The following SAMTOR variants were observed in gnomAD, a reference collection of about 807,000 sequenced individuals.
SAMTOR encodes the protein S-adenosylmethionine sensor upstream of mTORC1.
the SAMTOR span, among the ~76,000 whole-genome samples, chr7:112,858,302 A>T: frequency 6.6e-6 from 1 of 151,914 alleles, no homozygotes; most frequent in Admixed American, 6.6e-5. Flanking sequence ...AAACAAAGAC[A>T]TGAAGCATGA....
the SAMTOR span, among the ~76,000 whole-genome samples, chr7:112,908,465 G>C: frequency 1.8e-4 from 28 of 152,124 alleles, no homozygotes; most frequent in South Asian, 2.1e-4. Context: ...CTTAGGAGTT[G>C]TCAAACTCGA....
chr7:112,832,118 TCTC>T, the SAMTOR span, among the ~76,000 whole-genome samples: 2 of 151,878 alleles, frequency 1.3e-5, no homozygotes, highest in Non-Finnish European at 2.9e-5. Flanking sequence ...TTCAAGCGAT[TCTC>T]CTGCCTCAGC....
At chr7:112,891,576 A>G in the SAMTOR span, among the ~76,000 whole-genome samples, 1 of 152,232 alleles carries the variant, frequency 6.6e-6, no homozygotes, top group African/African-American at 2.4e-5. Context: ...TATAGGAACA[A>G]TTTTAATATT....
At chr7:112,871,356 T>G in the SAMTOR span, among the ~76,000 whole-genome samples, 1 of 152,250 alleles carries the variant, frequency 6.6e-6, no homozygotes, top group South Asian at 2.1e-4. Context: ...TAGAAATCAA[T>G]ATCAAGAGGA....
the SAMTOR span, among the ~76,000 whole-genome samples, chr7:112,830,880 CT>C: frequency 0.09 from 12,785 of 142,090 alleles, 875 homozygotes; most frequent in African/African-American, 0.2. Context: ...GCTTTAAATA[CT>C]TTTTTTTTTT....
the SAMTOR span, among the ~76,000 whole-genome samples, chr7:112,938,417 C>T: frequency 6.6e-6 from 1 of 152,202 alleles, no homozygotes; most frequent in Admixed American, 6.5e-5. Flanking sequence ...ATATCAACTA[C>T]ATTCAAAAGA....
chr7:112,906,445 CAA>C, the SAMTOR span, among the ~76,000 whole-genome samples: 1 of 151,952 alleles, frequency 6.6e-6, no homozygotes, highest in Non-Finnish European at 1.5e-5. Context: ...ATAAAAATGA[CAA>C]AATACCTAGG....
chr7:112,914,280 T>TC, the SAMTOR span, among the ~76,000 whole-genome samples: 1 of 149,762 alleles, frequency 6.7e-6, no homozygotes, highest in Non-Finnish European at 1.5e-5. Flanking sequence ...CCTCTAGTTT[T>TC]TTTTTTTTTT....
the SAMTOR span, among the ~76,000 whole-genome samples, chr7:112,892,891 A>T: frequency 3.9e-5 from 6 of 152,190 alleles, no homozygotes; most frequent in Non-Finnish European, 7.4e-5. Context: ...TCGTACATAT[A>T]TATCAGAGCT....
the SAMTOR span, among the ~76,000 whole-genome samples, chr7:112,828,657 A>G: frequency 6.6e-6 from 1 of 151,886 alleles, no homozygotes; most frequent in African/African-American, 2.4e-5. Flanking sequence ...AATTATCTTT[A>G]AAGAGTTTAA....
At chr7:112,896,803 T>A in the SAMTOR span, among the ~76,000 whole-genome samples, 1 of 151,870 alleles carries the variant, frequency 6.6e-6, no homozygotes, top group Non-Finnish European at 1.5e-5. Context: ...CCTAACCCAA[T>A]CTAAAATCAG....
chr7:112,930,527 C>CAAAA, the SAMTOR span, among the ~76,000 whole-genome samples: 1 of 75,454 alleles, frequency 1.3e-5, no homozygotes. Flanking sequence ...GCAAAAGGGG[C>CAAAA]AAAAAAAAAA....
chr7:112,835,119 T>C, the SAMTOR span, among the ~76,000 whole-genome samples: 1 of 152,186 alleles, frequency 6.6e-6, no homozygotes, highest in African/African-American at 2.4e-5. Context: ...TAGGCCTCCA[T>C]GGGGGTGTCA....
At chr7:112,841,839 A>G in the SAMTOR span, among the ~76,000 whole-genome samples, 1 of 152,140 alleles carries the variant, frequency 6.6e-6, no homozygotes, top group Non-Finnish European at 1.5e-5. Flanking sequence ...AGGATTTCCT[A>G]CTTAATAAAT....
chr7:112,890,020 G>T, the SAMTOR span, among the ~76,000 whole-genome samples: 1 of 152,168 alleles, frequency 6.6e-6, no homozygotes, highest in African/African-American at 2.4e-5. Context: ...TGGTTGGGTT[G>T]AGCTGCAGAA....
the SAMTOR span, among the ~76,000 whole-genome samples, chr7:112,864,468 T>C: frequency 6.6e-6 from 1 of 152,234 alleles, no homozygotes; most frequent in Non-Finnish European, 1.5e-5. Context: ...GTGAATTCTA[T>C]TTGTATTCAA....
At chr7:112,915,185 C>A in the SAMTOR span, 1 of 902,758 alleles carries the variant, frequency 1.1e-6, no homozygotes, top group Non-Finnish European at 1.6e-6. Context: ...TTGCAGTGAG[C>A]CGAGATCACG....
chr7:112,868,491 A>T, the SAMTOR span, among the ~76,000 whole-genome samples: 1 of 152,118 alleles, frequency 6.6e-6, no homozygotes, highest in Non-Finnish European at 1.5e-5. Context: ...TATCTGTATA[A>T]CCCAGGCAAA....
At chr7:112,888,018 T>C in the SAMTOR span, among the ~76,000 whole-genome samples, 1 of 152,196 alleles carries the variant, frequency 6.6e-6, no homozygotes. Context: ...CAAAGATAGA[T>C]GCTTATATTA....
Sources: allele counts gnomAD v4.1 joint callset (sites outside exome capture counted in the v4.1 genomes callset), GRCh38; gene constraint gnomAD v4.1.1; transcripts MANE v1.5; gene names NCBI Gene and HGNC (gene_info 2026-07-23, HGNC 2026-07-21).